The following ODAD2 variants were observed in gnomAD, a reference collection of about 807,000 sequenced individuals.
ODAD2 encodes the protein outer dynein arm docking complex subunit 2, also known as outer dynein arm-docking complex subunit 2.
ODAD2 carries 89 observed loss-of-function variants against 106.8 expected under a neutral mutation model. The observed-to-expected ratio is 0.83, with a 90% CI of 0.70 to 0.99. The LOEUF (loss-of-function observed/expected upper bound fraction) is 0.99. ODAD2 is among the 50% of genes least tolerant of loss of function. The pLI is 0.00. For synonymous variants in ODAD2, 404 were observed against 436.2 expected, an observed-to-expected ratio of 0.93 and a Z score of 0.92; for missense variants, 1,168 against 1,238.5, an observed-to-expected ratio of 0.94 and a Z score of 0.85.
At chr10:27,940,115 T>C (rs1199457222) in intron 13 of ODAD2, 108 bp from the exon 14 acceptor site, 1 of 689,544 alleles carries the variant, frequency 1.5e-6, no homozygotes, top group Non-Finnish European at 2.4e-6. Flanking sequence ...ATAATCACCA[T>C]AGTCCAAGCT....
intron 19 of ODAD2, among the ~76,000 whole-genome samples, chr10:27,846,220 T>C (rs1291870367): frequency 6.6e-6 from 1 of 152,150 alleles, no homozygotes; most frequent in Non-Finnish European, 1.5e-5. Context: ...TATAACGAAC[T>C]GTCTCTCAGA....
At chr10:27,932,123 C>T (rs558439941) in intron 16 of ODAD2, among the ~76,000 whole-genome samples, 12 of 151,900 alleles carry the variant, frequency 7.9e-5, no homozygotes, top group African/African-American at 1.7e-4. Flanking sequence ...TTTATAGAGA[C>T]GGGGGTCTTG....
intron 10 of ODAD2, chr10:27,958,874 A>C: frequency 7.7e-7 from 1 of 1,303,944 alleles, no homozygotes. Flanking sequence ...TTTCAACTCA[A>C]CTGGTCTTTC....
chr10:27,962,815 C>A (rs920671701), intron 9 of ODAD2, among the ~76,000 whole-genome samples: 1 of 152,092 alleles, frequency 6.6e-6, no homozygotes, highest in African/African-American at 2.4e-5. Context: ...TCACCAAATC[C>A]ACAGTGATGT....
intron 17 of ODAD2, among the ~76,000 whole-genome samples, chr10:27,896,507 G>T (rs1394911566): frequency 1.3e-5 from 2 of 152,198 alleles, no homozygotes; most frequent in Non-Finnish European, 2.9e-5. Flanking sequence ...CCATGCGTTT[G>T]TTGCCTGGAT....
intron 9 of ODAD2, among the ~76,000 whole-genome samples, chr10:27,966,639 T>C (rs1264410672): frequency 6.6e-6 from 1 of 152,184 alleles, no homozygotes; most frequent in Non-Finnish European, 1.5e-5. Flanking sequence ...AAGAAATACT[T>C]CTCTACCACA....
At chr10:27,958,730 T>C in intron 10 of ODAD2, 2 of 668,658 alleles carry the variant, frequency 3.0e-6, no homozygotes, top group Non-Finnish European at 4.3e-6. Flanking sequence ...GCACTTTACA[T>C]GTGTTGTATT....
At chr10:27,887,509 A>G (rs370437913) in intron 17 of ODAD2, among the ~76,000 whole-genome samples, 2 of 152,168 alleles carry the variant, frequency 1.3e-5, no homozygotes, top group East Asian at 3.9e-4. Context: ...CACCCCACCT[A>G]ACAACAGCAG....
intron 10 of ODAD2, among the ~76,000 whole-genome samples, chr10:27,955,623 G>A (rs553375057): frequency 3.5e-4 from 53 of 151,204 alleles, no homozygotes; most frequent in Non-Finnish European, 5.0e-4. Context: ...TGACTGCAAA[G>A]TACATCAAAT....
chr10:27,984,081 C>T (rs1849725686), intron 5 of ODAD2, 102 bp from the exon 6 acceptor site: 4 of 1,514,506 alleles, frequency 2.6e-6, no homozygotes, highest in South Asian at 1.2e-5. Context: ...TTTAAGCTTT[C>T]CCCTTCTTAA....
chr10:27,841,776 A>G (rs959564144), intron 19 of ODAD2, among the ~76,000 whole-genome samples: 2 of 150,864 alleles, frequency 1.3e-5, no homozygotes, highest in Non-Finnish European at 3.0e-5. Context: ...TTGTTTAGAG[A>G]AAGGATCTTG....
intron 10 of ODAD2, among the ~76,000 whole-genome samples, chr10:27,948,833 T>C (rs1180325601): frequency 1.3e-5 from 2 of 151,080 alleles, no homozygotes; most frequent in Admixed American, 6.6e-5. Context: ...TGGATTTTTT[T>C]TTTTTCAATT....
intron 19 of ODAD2, among the ~76,000 whole-genome samples, chr10:27,813,845 C>T (rs148605072): frequency 6.6e-6 from 1 of 152,182 alleles, no homozygotes; most frequent in East Asian, 1.9e-4. Flanking sequence ...TACTGTATTA[C>T]TTCATGTAGA....
intron 19 of ODAD2, among the ~76,000 whole-genome samples, chr10:27,858,891 C>G (rs1194858183): frequency 6.6e-6 from 1 of 150,920 alleles, no homozygotes; most frequent in Non-Finnish European, 1.5e-5. Context: ...GCAACCTCCA[C>G]CTCCCAGGTT....
intron 16 of ODAD2, among the ~76,000 whole-genome samples, chr10:27,916,514 TA>T (rs56922968): frequency 0.16 from 24,289 of 152,014 alleles, 2,922 homozygotes; most frequent in African/African-American, 0.34. Context: ...TGGGACCACT[TA>T]ACATGTGGGT....
chr10:27,848,585 T>C (rs1167857148), intron 19 of ODAD2, among the ~76,000 whole-genome samples: 1 of 152,194 alleles, frequency 6.6e-6, no homozygotes, highest in African/African-American at 2.4e-5. Flanking sequence ...AAAGAGCTCC[T>C]GCACAGCAAA....
rs1564509155 is a variant in ODAD2 at position 27,924,004 on chromosome 10, A to AAGAAAGAG, written c.2495+11005_2495+11006insCTCTTTCT. ...AAAGAAAGAAAGAAAGAAAGAAAGA[A>AAGAAAGAG]AGAAAGAAAGAAAGAAAGAAGGAAA... On this transcript the variant is annotated intron_variant, in intron 16 of 19. Transcript: ENST00000305242. Among the ~76,000 whole-genome samples the AAGAAAGAG allele has an allele frequency of 2.3e-5, 3 of 130,720 alleles. 1 individual carries two copies. Among genetic ancestry groups the AAGAAAGAG allele is most frequent in the Non-Finnish European group, 5.1e-5 (3 of 59,400 alleles). The allele number at this position is 130,720 out of a possible 152,430, so 85.8% of individuals were successfully genotyped here. A position where few individuals can be genotyped will look rare whatever the true frequency, so the allele number is the denominator to read the frequency against.
intron 16 of ODAD2, among the ~76,000 whole-genome samples, chr10:27,914,690 A>G (rs1052401588): frequency 4.1e-5 from 6 of 147,146 alleles, no homozygotes; most frequent in Non-Finnish European, 5.9e-5. Context: ...ATGTGTGTGT[A>G]TATATATATG....
chr10:27,848,127 C>G (rs1191358674), intron 19 of ODAD2, among the ~76,000 whole-genome samples: 1 of 152,120 alleles, frequency 6.6e-6, no homozygotes, highest in African/African-American at 2.4e-5. Flanking sequence ...AATCCTAAGC[C>G]AAAAGAACAA....
Sources: allele counts gnomAD v4.1 joint callset (sites outside exome capture counted in the v4.1 genomes callset), GRCh38; gene constraint gnomAD v4.1.1; transcripts MANE v1.5; gene names NCBI Gene and HGNC (gene_info 2026-07-23, HGNC 2026-07-21).